SI: variants seen among roughly 807,000 people sequenced by gnomAD.
SI encodes sucrase-isomaltase, intestinal.
SI carries 235 observed loss-of-function variants against 253.3 expected under a neutral mutation model. The ratio of observed to expected loss-of-function variants is 0.93; its 90% CI spans 0.83 to 1.03. The LOEUF (loss-of-function observed/expected upper bound fraction) is 1.03, where lower values mean the gene tolerates loss of function less well. Among genes scored for constraint, SI ranks in the 50% least tolerant of loss-of-function variants. The probability of loss-of-function intolerance (pLI) is 0.00; values close to 1 mark genes in which losing one functional copy is unlikely to be tolerated. For synonymous variants in SI, 819 were observed against 712.0 expected (o/e 1.15, Z -2.39); for missense variants, 2,442 against 2,211.1 (o/e 1.10, Z -2.09).
chr3:164,984,135 T>G (rs1314426854), intron 45 of SI, among the ~76,000 whole-genome samples: 1 of 152,148 alleles, frequency 6.6e-6, no homozygotes, highest in African/African-American at 2.4e-5. Context: ...CCAGTCTTCC[T>G]TGACTTCTAA....
chr3:164,979,633 TA>T (rs1363217204), intron 47 of SI, among the ~76,000 whole-genome samples: 3 of 151,760 alleles, frequency 2.0e-5, no homozygotes, highest in Non-Finnish European at 3.0e-5. Flanking sequence ...AAGGTTAAAA[TA>T]AATCTCAGAA....
chr3:165,061,428 T>G (rs571374389), intron 9 of SI, among the ~76,000 whole-genome samples: 24 of 152,104 alleles, frequency 1.6e-4, no homozygotes, highest in African/African-American at 5.3e-4. Flanking sequence ...TTTTCTAAAT[T>G]TTACATTTAT....
chr3:164,996,476 G>T, intron 40 of SI, 59 bp downstream of exon 40: 1 of 937,864 alleles, frequency 1.1e-6, no homozygotes, highest in Non-Finnish European at 1.8e-6. Context: ...GTACACTAAA[G>T]TATAATGAAG....
intron 13 of SI, among the ~76,000 whole-genome samples, chr3:165,053,352 C>T (rs1713527719): frequency 6.6e-6 from 1 of 151,982 alleles, no homozygotes; most frequent in African/African-American, 2.4e-5. Flanking sequence ...TTATACTTGA[C>T]ATAAATATTA....
chr3:164,998,069 G>C (rs1453872352), intron 38 of SI, among the ~76,000 whole-genome samples: 1 of 151,706 alleles, frequency 6.6e-6, no homozygotes, highest in Non-Finnish European at 1.5e-5. Flanking sequence ...GGGGTTGAAT[G>C]GTCATTCTGT....
intron 3 of SI, among the ~76,000 whole-genome samples, chr3:165,070,844 A>T (rs1714526167): frequency 1.3e-5 from 2 of 152,138 alleles, no homozygotes; most frequent in Admixed American, 1.3e-4. Context: ...ACCGTACTGG[A>T]GGTTGTAAGT....
intron 40 of SI, 33 bp from the exon 41 acceptor site, chr3:164,994,438 T>A (rs774693652): frequency 1.9e-6 from 3 of 1,606,014 alleles, no homozygotes; most frequent in Non-Finnish European, 2.6e-6. Context: ...AGTTATAAGC[T>A]TTGGTCCTTG....
chr3:165,060,774 C>T (rs758304773), intron 9 of SI, among the ~76,000 whole-genome samples: 79 of 146,498 alleles, frequency 5.4e-4, no homozygotes, highest in Admixed American at 1.7e-3. Context: ...TAATCATACT[C>T]AACATAATAA....
chr3:164,995,260 T>C (rs1277970490), intron 40 of SI, among the ~76,000 whole-genome samples: 1 of 151,780 alleles, frequency 6.6e-6, no homozygotes. Flanking sequence ...TTATATGCAG[T>C]ATTAGAATAC....
At position 165,017,658 on chromosome 3, in the gene SI, C is replaced by T. The variant is rs1391611275; in HGVS notation, c.3649G>A (p.Val1217Ile). 1 of 1,612,762 alleles carries T rather than the reference C, an allele frequency of 6.2e-7. No homozygotes were observed. The highest frequency in any genetic ancestry group is 8.5e-7 in the Non-Finnish European group (1 of 1,179,130). ...KQYHEVIGHPVMPAYWALGFQ... is the reference protein window; with the variant it reads ...KQYHEVIGHPIMPAYWALGFQ... The stretch of plus-strand genomic sequence containing the variant: ...CCCAAAGCCCAATAAGCTGGCATGA[C>T]TGGATGGCCAATTACCTTTAAAAAA... The change falls in exon 31 of 48, where the codon GTC becomes ATC. Residue 1217 changes from valine to isoleucine, a missense_variant. Transcript: ENST00000264382.
At chr3:165,064,046 G>T (rs1714105040) in intron 7 of SI, among the ~76,000 whole-genome samples, 1 of 150,956 alleles carries the variant, frequency 6.6e-6, no homozygotes, top group South Asian at 2.1e-4. Flanking sequence ...CTCCAGCCTA[G>T]GTGACAAAGT....
intron 28 of SI, 95 bp from the exon 29 acceptor site, chr3:165,018,161 T>C: frequency 1.3e-6 from 1 of 772,788 alleles, no homozygotes; most frequent in Middle Eastern, 3.3e-4. Context: ...AATCGAGACT[T>C]GATATTTAAA....
At chr3:165,076,077 T>G (rs1714954860) in intron 1 of SI, 65 bp from the exon 2 acceptor site, 1 of 1,148,698 alleles carries the variant, frequency 8.7e-7, no homozygotes, top group Non-Finnish European at 1.2e-6. Context: ...CCACCAACAA[T>G]TCTCATGAAA....
chr3:164,985,853 T>C (rs1717408424), intron 45 of SI, among the ~76,000 whole-genome samples: 1 of 152,166 alleles, frequency 6.6e-6, no homozygotes, highest in Non-Finnish European at 1.5e-5. Context: ...GAAACTTGAA[T>C]GAGTCCTATA....
intron 25 of SI, among the ~76,000 whole-genome samples, chr3:165,027,172 G>A (rs1203457204): frequency 6.6e-6 from 1 of 151,340 alleles, no homozygotes; most frequent in Non-Finnish European, 1.5e-5. Context: ...GATCATTCAA[G>A]GCTACTATGA....
chr3:165,000,270 T>A (rs1336975935), intron 37 of SI, among the ~76,000 whole-genome samples: 1 of 151,374 alleles, frequency 6.6e-6, no homozygotes, highest in Non-Finnish European at 1.5e-5. Context: ...TCTTTACTGA[T>A]ACTTTAAATT....
chr3:165,058,719 C>T (rs1713824124), intron 12 of SI, among the ~76,000 whole-genome samples: 1 of 151,750 alleles, frequency 6.6e-6, no homozygotes, highest in South Asian at 2.1e-4. Context: ...TAAGATTAAA[C>T]CATGAAGAAA....
At position 165,012,407 on chromosome 3, in the gene SI, G is replaced by C. The variant is rs573875286; in HGVS notation, c.4062+573C>G. The stretch of plus-strand genomic sequence containing the variant: ...AGATCTAATGTTAAATGTTATTACT[G>C]TAATAATTTTTTGTCGTTGTTGTTT... On this transcript the variant is annotated intron_variant, in intron 34 of 47. Coordinates refer to ENST00000264382, the MANE Select transcript of SI (RefSeq NM_001041.4). Among the ~76,000 whole-genome samples the C allele has an allele frequency of 6.6e-5, 10 of 151,448 alleles. No individual in the cohort carries two copies. In the South Asian group the frequency reaches 2.1e-3, roughly 32 times the overall value.
intron 37 of SI, among the ~76,000 whole-genome samples, chr3:165,001,796 T>A (rs1038994519): frequency 1.3e-4 from 19 of 151,566 alleles, no homozygotes; most frequent in African/African-American, 4.3e-4. Flanking sequence ...TTTCATAGAC[T>A]AGTTTTTGTT....
Sources: allele counts gnomAD v4.1 joint callset (sites outside exome capture counted in the v4.1 genomes callset), GRCh38; gene constraint gnomAD v4.1.1; transcripts MANE v1.5; gene names NCBI Gene and HGNC (gene_info 2026-07-23, HGNC 2026-07-21).